Variants in C8orf89 observed in about 807,000 individuals in gnomAD.
C8orf89 encodes the protein chromosome 8 open reading frame 89.
A neutral mutation model predicts 15.8 loss-of-function variants in C8orf89; 14 were observed. The observed-to-expected ratio is 0.89, with a 90% CI of 0.59 to 1.39. C8orf89 has a LOEUF of 1.39. C8orf89 is among the 40% of genes most tolerant of loss of function. C8orf89 has a pLI of 0.00. For missense variants in C8orf89, 181 were observed against 184.5 expected, an observed-to-expected ratio of 0.98 and a Z score of 0.11; for synonymous variants, 55 against 62.2, an observed-to-expected ratio of 0.88 and a Z score of 0.54.
At chr8:73,271,010 A>G in the C8orf89 span, among the ~76,000 whole-genome samples, 1 of 152,324 alleles carries the variant, frequency 6.6e-6, no homozygotes, top group East Asian at 1.9e-4. Context: ...TATAGATGCA[A>G]TGGTGAGTGA....
chr8:73,282,428 C>A, the C8orf89 span, among the ~76,000 whole-genome samples: 1 of 152,008 alleles, frequency 6.6e-6, no homozygotes, highest in Non-Finnish European at 1.5e-5. Context: ...AAGATTTAGA[C>A]GGCAGAAATG....
chr8:73,253,273 T>A (rs796293625), intron 2 of C8orf89, among the ~76,000 whole-genome samples: 45 of 152,346 alleles, frequency 3.0e-4, no homozygotes, highest in African/African-American at 1.1e-3. Context: ...TTTCTTTTAA[T>A]GGTATGTCAG....
chr8:73,258,036 T>A (rs1813439745), intron 1 of C8orf89, among the ~76,000 whole-genome samples: 1 of 152,006 alleles, frequency 6.6e-6, no homozygotes, highest in Non-Finnish European at 1.5e-5. Context: ...GGAAACCTGG[T>A]AAGAAAGTTG....
At chr8:73,263,789 A>T (rs944803436), upstream of C8orf89, among the ~76,000 whole-genome samples, 2 of 152,184 alleles carry the variant, frequency 1.3e-5, no homozygotes, top group Non-Finnish European at 2.9e-5. Flanking sequence ...TTTATTTCAG[A>T]TAAAGTACAA....
At chr8:73,283,974 G>A in the C8orf89 span, among the ~76,000 whole-genome samples, 10 of 151,734 alleles carry the variant, frequency 6.6e-5, no homozygotes, top group East Asian at 7.8e-4. Context: ...ACCTGGAGGC[G>A]GAGGTTGCAG....
chr8:73,251,790 G>C (rs1394051185), intron 2 of C8orf89, among the ~76,000 whole-genome samples: 1 of 152,124 alleles, frequency 6.6e-6, no homozygotes, highest in African/African-American at 2.4e-5. Context: ...AGATGATCAC[G>C]TGTATCGAAG....
At chr8:73,266,252 G>A in the C8orf89 span, among the ~76,000 whole-genome samples, 1 of 152,244 alleles carries the variant, frequency 6.6e-6, no homozygotes, top group Admixed American at 6.5e-5. Flanking sequence ...GTAGCTGGCA[G>A]GCAGCCTTCT....
the C8orf89 span, chr8:73,277,511 G>A: frequency 3.9e-6 from 3 of 779,182 alleles, no homozygotes; most frequent in South Asian, 4.3e-5. Flanking sequence ...ACTTCCCTGA[G>A]GATGAAGCCT....
chr8:73,284,708 C>G, the C8orf89 span, among the ~76,000 whole-genome samples: 4 of 152,178 alleles, frequency 2.6e-5, no homozygotes, highest in East Asian at 7.7e-4. Context: ...AGTACTTATA[C>G]ATTATAATGT....
chr8:73,253,347 T>C (rs1813292314), intron 2 of C8orf89, among the ~76,000 whole-genome samples: 1 of 152,192 alleles, frequency 6.6e-6, no homozygotes, highest in South Asian at 2.1e-4. Context: ...AGCCTTGTAG[T>C]ATAGTTTGAA....
intron 3 of C8orf89, among the ~76,000 whole-genome samples, chr8:73,243,078 C>T (rs1348275085): frequency 6.6e-6 from 1 of 152,114 alleles, no homozygotes; most frequent in East Asian, 1.9e-4. Context: ...CACATATTCT[C>T]AGTTATTTGT....
At chr8:73,262,472 C>T (rs75090043), upstream of C8orf89, among the ~76,000 whole-genome samples, 5,409 of 152,006 alleles carry the variant, frequency 0.036, 315 homozygotes, top group African/African-American at 0.12. Context: ...TATTGTTATC[C>T]TTATGCTTTT....
At chr8:73,283,569 C>G in the C8orf89 span, among the ~76,000 whole-genome samples, 1 of 152,218 alleles carries the variant, frequency 6.6e-6, no homozygotes, top group Non-Finnish European at 1.5e-5. Context: ...GGAAGCTATT[C>G]TCTTCTTTTA....
At chr8:73,254,655 C>A (rs574474516) in intron 2 of C8orf89, among the ~76,000 whole-genome samples, 11 of 152,142 alleles carry the variant, frequency 7.2e-5, no homozygotes, top group African/African-American at 2.7e-4. Flanking sequence ...GCCCTCCTCC[C>A]GGTCTCATCC....
At chr8:73,261,665 A>G (rs1049339137), upstream of C8orf89, among the ~76,000 whole-genome samples, 2 of 152,208 alleles carry the variant, frequency 1.3e-5, no homozygotes, top group African/African-American at 4.8e-5. Flanking sequence ...CATGCTTTTT[A>G]CACTGCTTGA....
the C8orf89 span, among the ~76,000 whole-genome samples, chr8:73,272,487 G>T: frequency 6.6e-6 from 1 of 151,452 alleles, no homozygotes; most frequent in African/African-American, 2.4e-5. Flanking sequence ...TAAGTTCTAG[G>T]GTACATGTGC....
At chr8:73,267,538 A>G in the C8orf89 span, among the ~76,000 whole-genome samples, 1 of 152,234 alleles carries the variant, frequency 6.6e-6, no homozygotes, top group Non-Finnish European at 1.5e-5. Context: ...ATTTATTCAA[A>G]TAAATGATGA....
the C8orf89 span, chr8:73,277,328 G>A: frequency 2.0e-5 from 14 of 700,610 alleles, no homozygotes; most frequent in South Asian, 4.1e-5. Context: ...GAATGCCCCT[G>A]GTTATCCCTG....
the C8orf89 span, among the ~76,000 whole-genome samples, chr8:73,283,899 C>A: frequency 4.3e-3 from 659 of 151,940 alleles, 4 homozygotes; most frequent in South Asian, 0.013. Flanking sequence ...AAAAATTACT[C>A]GAGCATGGTG....
Sources: allele counts gnomAD v4.1 joint callset (sites outside exome capture counted in the v4.1 genomes callset), GRCh38; gene constraint gnomAD v4.1.1; transcripts MANE v1.5; gene names NCBI Gene and HGNC (gene_info 2026-07-23, HGNC 2026-07-21).